Variants in SMIM45 observed in about 807,000 individuals in gnomAD.
SMIM45 encodes long intergenic non-protein coding RNA 634.
chr22:41,954,881 C>T, the SMIM45 span, among the ~76,000 whole-genome samples: 164 of 152,224 alleles, frequency 1.1e-3, no homozygotes, highest in African/African-American at 3.9e-3. Flanking sequence ...GTGGCAGATG[C>T]CTGTAATCCC....
At chr22:41,950,449 G>A in the SMIM45 span, among the ~76,000 whole-genome samples, 3 of 152,166 alleles carry the variant, frequency 2.0e-5, no homozygotes, top group Admixed American at 1.3e-4. Context: ...TGTAATCCCA[G>A]TACTTTGGGA....
At chr22:41,952,838 G>A in the SMIM45 span, among the ~76,000 whole-genome samples, 2 of 152,112 alleles carry the variant, frequency 1.3e-5, no homozygotes, top group Non-Finnish European at 2.9e-5. Flanking sequence ...CCCTCCATTC[G>A]CATGTTTAAG....
At chr22:41,954,387 A>C in the SMIM45 span, among the ~76,000 whole-genome samples, 1 of 151,816 alleles carries the variant, frequency 6.6e-6, no homozygotes, top group Non-Finnish European at 1.5e-5. Context: ...TTGTACTTTT[A>C]GAAGAGACGG....
chr22:41,953,352 C>T, the SMIM45 span, among the ~76,000 whole-genome samples: 2 of 152,174 alleles, frequency 1.3e-5, no homozygotes, highest in African/African-American at 4.8e-5. Flanking sequence ...TTCCATCCAT[C>T]CCCCTGCTTT....
chr22:41,953,740 GTTTTTTTTTTTTTTTTT>G, the SMIM45 span, among the ~76,000 whole-genome samples: 1 of 89,302 alleles, frequency 1.1e-5, no homozygotes, highest in African/African-American at 3.4e-5. Flanking sequence ...TCTGTGATCT[GTTTTTTTTTTTTTTTTT>G]TTTTTTTTTT....
chr22:41,956,235 TC>T, the SMIM45 span, among the ~76,000 whole-genome samples: 1 of 152,076 alleles, frequency 6.6e-6, no homozygotes, highest in East Asian at 1.9e-4. Context: ...GGTCTCGAAG[TC>T]CTGGGCTCAA....
the SMIM45 span, among the ~76,000 whole-genome samples, chr22:41,956,459 CA>C: frequency 4.6e-5 from 7 of 152,198 alleles, no homozygotes; most frequent in African/African-American, 1.7e-4. Context: ...GGTGTTTGTT[CA>C]CTACACTTTC....
the SMIM45 span, among the ~76,000 whole-genome samples, chr22:41,951,581 G>A: frequency 6.6e-6 from 1 of 152,310 alleles, no homozygotes; most frequent in South Asian, 2.1e-4. Context: ...GAATGGGGAG[G>A]GGGAGCCATT....
the SMIM45 span, chr22:41,947,193 C>G: frequency 1.1e-6 from 1 of 883,726 alleles, no homozygotes; most frequent in Admixed American, 2.1e-5. Flanking sequence ...CGGGGCTTCG[C>G]GGGACGGGAC....
the SMIM45 span, chr22:41,958,452 A>T: frequency 2.0e-5 from 9 of 446,798 alleles, no homozygotes; most frequent in Admixed American, 9.6e-5. Flanking sequence ...ATGCAGAGGG[A>T]TAAGACCGTG....
At chr22:41,949,044 A>G in the SMIM45 span, among the ~76,000 whole-genome samples, 1 of 151,960 alleles carries the variant, frequency 6.6e-6, no homozygotes, top group East Asian at 1.9e-4. Flanking sequence ...TGGCCTGGGC[A>G]ACAAGAGCGA....
chr22:41,955,388 A>G, the SMIM45 span, among the ~76,000 whole-genome samples: 2 of 152,090 alleles, frequency 1.3e-5, no homozygotes, highest in East Asian at 3.9e-4. Flanking sequence ...CATGTTGGTC[A>G]GGCTGGTCTT....
the SMIM45 span, among the ~76,000 whole-genome samples, chr22:41,953,990 CA>C: frequency 0.26 from 33,163 of 126,406 alleles, 4,054 homozygotes; most frequent in African/African-American, 0.33. Context: ...GATCAAGTCT[CA>C]AAAAAAAAAA....
At chr22:41,957,375 T>TG in the SMIM45 span, among the ~76,000 whole-genome samples, 11 of 135,274 alleles carry the variant, frequency 8.1e-5, no homozygotes, top group African/African-American at 2.8e-4. Flanking sequence ...TTTTTTTTTT[T>TG]GTATTTTTAA....
At chr22:41,946,981 G>C in the SMIM45 span, 1 of 1,607,932 alleles carries the variant, frequency 6.2e-7, no homozygotes, top group Non-Finnish European at 8.5e-7. Context: ...CCGCCCAGGA[G>C]GAAAAACCGG....
the SMIM45 span, among the ~76,000 whole-genome samples, chr22:41,949,609 T>C: frequency 6.6e-6 from 1 of 152,198 alleles, no homozygotes; most frequent in Non-Finnish European, 1.5e-5. Context: ...GTGGGGACTT[T>C]CCAGGAGGGG....
chr22:41,947,095 C>T, the SMIM45 span: 5 of 1,611,950 alleles, frequency 3.1e-6, no homozygotes, highest in Admixed American at 3.3e-5. Flanking sequence ...CAGGACCAAC[C>T]GTTGCTCCTG....
At chr22:41,951,145 C>G in the SMIM45 span, among the ~76,000 whole-genome samples, 2 of 152,268 alleles carry the variant, frequency 1.3e-5, no homozygotes, top group Non-Finnish European at 2.9e-5. Context: ...GGCTTTCCCC[C>G]TGCCCATCCC....
the SMIM45 span, among the ~76,000 whole-genome samples, chr22:41,952,624 G>A: frequency 6.6e-6 from 1 of 152,206 alleles, no homozygotes; most frequent in Non-Finnish European, 1.5e-5. Context: ...GTGAAGAAGG[G>A]GCCAAGATAA....
Sources: gnomAD v4.1 joint callset for allele counts (sites outside exome capture counted in the v4.1 genomes callset) on GRCh38, gnomAD v4.1.1 for gene constraint, MANE v1.5 for transcripts, NCBI Gene and HGNC (gene_info 2026-07-23, HGNC 2026-07-21) for gene names.